Variants in RBFOX1 observed in about 807,000 individuals in gnomAD.
RBFOX1 encodes RNA binding fox-1 homolog 1.
RBFOX1 carries 8 observed loss-of-function variants against 57.7 expected under a neutral mutation model. The ratio of observed to expected loss-of-function variants is 0.14; its 90% CI spans 0.08 to 0.25. The LOEUF (loss-of-function observed/expected upper bound fraction) is 0.25, where lower values mean the gene tolerates loss of function less well. Among genes scored for constraint, RBFOX1 ranks in the 10% least tolerant of loss-of-function variants. RBFOX1 has a pLI of 1.00. For missense variants in RBFOX1, 611 were observed against 548.5 expected, an observed-to-expected ratio of 1.11 and a Z score of -1.14; for synonymous variants, 326 against 222.4, an observed-to-expected ratio of 1.47 and a Z score of -4.15.
chr16:6,816,735 C>G (rs565610743), intron 3 of RBFOX1, among the ~76,000 whole-genome samples: 87 of 109,710 alleles, frequency 7.9e-4, no homozygotes, highest in African/African-American at 3.0e-3. Flanking sequence ...GCAAGACTGT[C>G]TCAAAAAAAA....
intron 4 of RBFOX1, among the ~76,000 whole-genome samples, chr16:7,187,413 G>A (rs2084127470): frequency 6.6e-6 from 1 of 151,978 alleles, no homozygotes; most frequent in Non-Finnish European, 1.5e-5. Flanking sequence ...CCCTTGGCCA[G>A]GCACGGTGGC....
At chr16:5,747,456 A>G (rs1313688301) in intron 3 of RBFOX1, among the ~76,000 whole-genome samples, 2 of 152,158 alleles carry the variant, frequency 1.3e-5, no homozygotes, top group Non-Finnish European at 2.9e-5. Context: ...TTCGGAAGGA[A>G]TGGTACCAGC....
At chr16:6,684,686 G>A (rs557567212) in intron 3 of RBFOX1, among the ~76,000 whole-genome samples, 3 of 152,286 alleles carry the variant, frequency 2.0e-5, no homozygotes, top group South Asian at 2.1e-4. Flanking sequence ...GAGCCCTAGA[G>A]GAAGAAATTA....
chr16:7,698,145 C>T lies in RBFOX1; in HGVS notation c.996-10911C>T, dbSNP rs536941920. On this transcript the variant is annotated intron_variant, in intron 14 of 15. Transcript: ENST00000550418. ...TATGCTAGTCCCTGAAAACCCCAGA[C>T]AGGTTGAAACAGTTGTTTTAGACAC... Among the ~76,000 whole-genome samples, 13 of 151,568 alleles carry T rather than the reference C, an allele frequency of 8.6e-5. No homozygotes were observed. In the East Asian group the frequency reaches 2.3e-3, roughly 27 times the overall value.
intron 1 of RBFOX1, among the ~76,000 whole-genome samples, chr16:5,466,586 A>G (rs866048892): frequency 5.3e-5 from 8 of 152,262 alleles, no homozygotes; most frequent in Non-Finnish European, 1.0e-4. Flanking sequence ...TTAAGAAAGA[A>G]ATGCTATCTT....
At chr16:6,856,428 C>T (rs1427037252) in intron 3 of RBFOX1, among the ~76,000 whole-genome samples, 1 of 152,052 alleles carries the variant, frequency 6.6e-6, no homozygotes, top group East Asian at 1.9e-4. Context: ...ATCCTGATCC[C>T]ACTCAGGAGA....
At chr16:5,831,473 TTTATTA>T (rs149535816) in intron 3 of RBFOX1, among the ~76,000 whole-genome samples, 3,442 of 141,482 alleles carry the variant, frequency 0.024, 116 homozygotes, top group African/African-American at 0.075. Context: ...TCTTTTCTCT[TTTATTA>T]TTATTATTAT....
chr16:6,798,562 C>G (rs1045225119), intron 3 of RBFOX1, among the ~76,000 whole-genome samples: 2 of 152,154 alleles, frequency 1.3e-5, no homozygotes, highest in African/African-American at 2.4e-5. Context: ...TGCAGCCATG[C>G]TAACTAAGAT....
intron 4 of RBFOX1, among the ~76,000 whole-genome samples, chr16:7,380,223 A>C (rs549118132): frequency 2.0e-5 from 3 of 152,192 alleles, no homozygotes; most frequent in Admixed American, 6.5e-5. Flanking sequence ...TTAGAGTCAG[A>C]AATGCTCAGA....
At chr16:6,931,818 A>G (rs1262201082) in intron 3 of RBFOX1, among the ~76,000 whole-genome samples, 1 of 152,126 alleles carries the variant, frequency 6.6e-6, no homozygotes, top group Non-Finnish European at 1.5e-5. Flanking sequence ...CTCAGTTATG[A>G]TTTTGGAGGT....
In RBFOX1 at chr16:6,743,852, C is replaced by G. The variant is rs1307540608; in HGVS notation, c.-16+89202C>G. On this transcript the variant is annotated intron_variant, in intron 3 of 15. Transcript: ENST00000550418. ...TTTAAAAAATCATGTTCATTTATTTCTGATTATTTGTAACACATTTTCCTA... is the reference window on the plus strand; with the variant it reads ...TTTAAAAAATCATGTTCATTTATTTGTGATTATTTGTAACACATTTTCCTA... 4.6e-3 allele frequency among the ~76,000 whole-genome samples: 536 copies of G among 117,228 alleles called. 17 individuals are homozygous for G. The highest frequency in any genetic ancestry group is 0.018 in the African/African-American group (527 of 29,238). The allele number at this position is 117,228 out of a possible 152,430, so 76.9% of individuals were successfully genotyped here. A position where few individuals can be genotyped will look rare whatever the true frequency, so the allele number is the denominator to read the frequency against.
intron 5 of RBFOX1, among the ~76,000 whole-genome samples, chr16:7,567,203 C>T (rs1271662143): frequency 1.6e-5 from 2 of 123,326 alleles, no homozygotes; most frequent in Non-Finnish European, 3.7e-5. Flanking sequence ...ATATATATCC[C>T]TATATAAATA....
intron 3 of RBFOX1, among the ~76,000 whole-genome samples, chr16:6,843,975 A>G (rs150418894): frequency 5.0e-4 from 76 of 152,258 alleles, no homozygotes; most frequent in African/African-American, 1.8e-3. Flanking sequence ...CGTAATGTGT[A>G]CAATTCACTA....
intron 4 of RBFOX1, among the ~76,000 whole-genome samples, chr16:7,502,828 G>C (rs1600189498): frequency 6.6e-6 from 1 of 152,122 alleles, no homozygotes; most frequent in Non-Finnish European, 1.5e-5. Context: ...TTTGAGACCA[G>C]CCTGGCCAAC....
intron 2 of RBFOX1, among the ~76,000 whole-genome samples, chr16:5,578,514 A>G (rs1289421819): frequency 6.6e-6 from 1 of 152,200 alleles, no homozygotes; most frequent in Non-Finnish European, 1.5e-5. Context: ...TGGCTAGAAT[A>G]AAAGAACTGT....
chr16:7,274,595 T>C (rs1418795593), intron 4 of RBFOX1, among the ~76,000 whole-genome samples: 1 of 152,192 alleles, frequency 6.6e-6, no homozygotes, highest in African/African-American at 2.4e-5. Flanking sequence ...GGTCTACTTA[T>C]GGGCCACGTT....
chr16:6,433,772 C>G (rs1440459260), intron 2 of RBFOX1, among the ~76,000 whole-genome samples: 1 of 151,842 alleles, frequency 6.6e-6, no homozygotes, highest in African/African-American at 2.4e-5. Context: ...CTCCACCCTT[C>G]AAAGCACATC....
intron 2 of RBFOX1, among the ~76,000 whole-genome samples, chr16:6,442,013 C>G (rs373727354): frequency 6.6e-6 from 1 of 152,154 alleles, no homozygotes; most frequent in Non-Finnish European, 1.5e-5. Context: ...AAAGATTGCT[C>G]TGAGGAATTC....
At position 6,789,935 on chromosome 16, in the gene RBFOX1, T is replaced by C. The variant is rs141557033; in HGVS notation, c.-16+135285T>C. Among the ~76,000 whole-genome samples, 1,262 of 151,924 alleles carry C rather than the reference T, an allele frequency of 8.3e-3. 20 individuals carry two copies. Among genetic ancestry groups the C allele is most frequent in the African/African-American group, 0.029 (1,185 of 41,536 alleles). ...TTATTAATTAGATCTATAATTATTCTCTTCCCTAACTTATTGATTTCTGGT... is the reference window on the plus strand; with the variant it reads ...TTATTAATTAGATCTATAATTATTCCCTTCCCTAACTTATTGATTTCTGGT... On this transcript the variant is annotated intron_variant, in intron 3 of 15. Transcript: ENST00000550418.
Sources: gnomAD v4.1 joint callset for allele counts (sites outside exome capture counted in the v4.1 genomes callset) on GRCh38, gnomAD v4.1.1 for gene constraint, MANE v1.5 for transcripts, NCBI Gene and HGNC (gene_info 2026-07-23, HGNC 2026-07-21) for gene names.